The following CCSER2 variants were observed in gnomAD, a reference collection of about 807,000 sequenced individuals.
CCSER2 encodes serine-rich coiled-coil domain-containing protein 2.
A neutral mutation model predicts 92.3 loss-of-function variants in CCSER2; 46 were observed. The ratio of observed to expected loss-of-function variants is 0.50; its 90% CI spans 0.39 to 0.64. CCSER2 has a LOEUF of 0.64. CCSER2 is among the 30% of genes least tolerant of loss of function. The probability of loss-of-function intolerance (pLI) is 0.00; values close to 1 mark genes in which losing one functional copy is unlikely to be tolerated. For synonymous variants in CCSER2, 433 were observed against 431.4 expected (o/e 1.00, Z -0.04); for missense variants, 1,244 against 1,238.9 (o/e 1.00, Z -0.06).
intron 1 of CCSER2, among the ~76,000 whole-genome samples, chr10:84,342,280 T>A (rs1384987727): frequency 6.6e-6 from 1 of 152,218 alleles, no homozygotes; most frequent in African/African-American, 2.4e-5. Context: ...GTATGGGATA[T>A]GATATCATAT....
chr10:84,437,469 G>A (rs558532429), intron 5 of CCSER2, among the ~76,000 whole-genome samples: 1 of 151,658 alleles, frequency 6.6e-6, no homozygotes, highest in South Asian at 2.1e-4. Flanking sequence ...AGCCAAGATC[G>A]TACCATTGCG....
chr10:84,375,488 T>C (rs150148564), intron 3 of CCSER2, among the ~76,000 whole-genome samples: 1,733 of 152,044 alleles, frequency 0.011, 17 homozygotes, highest in Middle Eastern at 0.031. Context: ...GTGAATTTTT[T>C]GTTTTGTATA....
In CCSER2 at chr10:84,414,650, A is replaced by G. The variant is rs1244752610; in HGVS notation, c.1615-3121A>G. 2.6e-5 allele frequency among the ~76,000 whole-genome samples: 4 copies of G among 151,576 alleles called. No homozygotes were observed. In the East Asian group the frequency reaches 5.8e-4, roughly 22 times the overall value. On this transcript the variant is annotated intron_variant, in intron 3 of 9. Transcript: ENST00000372088. ...CTTGGGGTTGATCTTCTCTTGGAAT[A>G]TCTTATTGGGGTTCTCTGCAGTTCC...
At chr10:84,383,855 G>T (rs1279956456) in intron 3 of CCSER2, among the ~76,000 whole-genome samples, 4 of 152,058 alleles carry the variant, frequency 2.6e-5, no homozygotes, top group African/African-American at 9.7e-5. Flanking sequence ...ATGAAAACTT[G>T]GTTCTTTGTA....
intron 5 of CCSER2, among the ~76,000 whole-genome samples, chr10:84,433,529 G>A (rs1177483796): frequency 1.3e-5 from 2 of 152,104 alleles, no homozygotes; most frequent in Admixed American, 6.5e-5. Flanking sequence ...TTTTAGATTA[G>A]CATGAAATCA....
intron 1 of CCSER2, among the ~76,000 whole-genome samples, chr10:84,338,207 C>G (rs1843948287): frequency 6.6e-6 from 1 of 151,598 alleles, no homozygotes; most frequent in African/African-American, 2.4e-5. Context: ...TTGCTTGAAC[C>G]CGGGAGGCAG....
chr10:84,499,424 T>C (rs1321291926), intron 9 of CCSER2, among the ~76,000 whole-genome samples: 2 of 152,194 alleles, frequency 1.3e-5, no homozygotes, highest in Non-Finnish European at 2.9e-5. Flanking sequence ...GTGAGCCCAC[T>C]GCACCCGGCC....
chr10:84,420,301 TTAGATTTTTC>T (rs1236099932), intron 4 of CCSER2, among the ~76,000 whole-genome samples: 1 of 152,208 alleles, frequency 6.6e-6, no homozygotes, highest in Non-Finnish European at 1.5e-5. Context: ...AAACAGTACT[TTAGATTTTTC>T]TAGAAGAAGG....
chr10:84,441,265 C>T (rs1844516452), intron 6 of CCSER2, among the ~76,000 whole-genome samples: 1 of 152,018 alleles, frequency 6.6e-6, no homozygotes, highest in South Asian at 2.1e-4. Context: ...TATATTTTCT[C>T]GACTTGATAT....
In CCSER2 at chr10:84,371,035, A is replaced by T. The variant is rs1846033716; in HGVS notation, c.-18A>T. On this transcript the variant is annotated 5_prime_UTR_variant, in exon 2 of 10. Transcript: ENST00000372088. ...ACAGATTCTTTCAACTTTTAAGAAC[A>T]AATGCACCTTATAGCTCATGGAAGA... 6.6e-7 allele frequency: 1 copy of T among 1,510,516 alleles called. No individual in the cohort carries two copies. The highest frequency in any genetic ancestry group is 2.2e-5 in the Admixed American group (1 of 44,792). The allele number at this position is 1,510,516 out of a possible 1,614,324, so 93.6% of individuals were successfully genotyped here. A position where few individuals can be genotyped will look rare whatever the true frequency, so the allele number is the denominator to read the frequency against.
At chr10:84,430,488 C>T (rs72842508) in intron 5 of CCSER2, among the ~76,000 whole-genome samples, 19,280 of 152,108 alleles carry the variant, frequency 0.13, 1,499 homozygotes, top group Admixed American at 0.23. Flanking sequence ...AGGGAATTAC[C>T]GAACAAGCTT....
intron 5 of CCSER2, among the ~76,000 whole-genome samples, chr10:84,426,593 C>T (rs1228246101): frequency 2.6e-5 from 4 of 152,192 alleles, no homozygotes; most frequent in African/African-American, 9.7e-5. Flanking sequence ...TTACAGTAGG[C>T]ACTCTGTGGA....
At chr10:84,473,615 A>T (rs766443025) in intron 8 of CCSER2, among the ~76,000 whole-genome samples, 8 of 152,204 alleles carry the variant, frequency 5.3e-5, no homozygotes, top group African/African-American at 1.7e-4. Flanking sequence ...AAACCAAGAG[A>T]GTTTTAACAG....
intron 9 of CCSER2, among the ~76,000 whole-genome samples, chr10:84,480,122 A>T (rs7912613): frequency 6.6e-6 from 1 of 152,234 alleles, no homozygotes; most frequent in East Asian, 1.9e-4. Flanking sequence ...ATGGTCCACT[A>T]TAGCCTTGAC....
chr10:84,378,432 ATTTTTT>A (rs386371982), intron 3 of CCSER2, among the ~76,000 whole-genome samples: 1 of 135,938 alleles, frequency 7.4e-6, no homozygotes, highest in African/African-American at 2.7e-5. Flanking sequence ...TTAAAATTAA[ATTTTTT>A]TTTTTTTTTT....
At chr10:84,508,050 C>A (rs1309730354) in intron 9 of CCSER2, among the ~76,000 whole-genome samples, 1 of 152,192 alleles carries the variant, frequency 6.6e-6, no homozygotes, top group Non-Finnish European at 1.5e-5. Flanking sequence ...GTGAACTCAT[C>A]AGAACTAACC....
At chr10:84,502,982 T>C (rs980619600) in intron 9 of CCSER2, among the ~76,000 whole-genome samples, 9 of 152,016 alleles carry the variant, frequency 5.9e-5, no homozygotes, top group African/African-American at 2.2e-4. Context: ...CCCAGCACTT[T>C]GTGGGGCCGA....
chr10:84,420,896 G>A (rs1843112137), intron 4 of CCSER2, among the ~76,000 whole-genome samples: 1 of 145,684 alleles, frequency 6.9e-6, no homozygotes, highest in Non-Finnish European at 1.5e-5. Context: ...TCACGCTACT[G>A]CACTCCAGCC....
intron 1 of CCSER2, among the ~76,000 whole-genome samples, chr10:84,334,896 C>G (rs1221546523): frequency 3.3e-5 from 5 of 152,204 alleles, no homozygotes; most frequent in Non-Finnish European, 5.9e-5. Flanking sequence ...TACCCTGTTT[C>G]TGTCCTTGAT....
Sources: allele counts gnomAD v4.1 joint callset (sites outside exome capture counted in the v4.1 genomes callset), GRCh38; gene constraint gnomAD v4.1.1; transcripts MANE v1.5; gene names NCBI Gene and HGNC (gene_info 2026-07-23, HGNC 2026-07-21).